The following CCNYL1 variants were observed in gnomAD, a reference collection of about 807,000 sequenced individuals.
CCNYL1 encodes cyclin Y like 1.
In CCNYL1, 16 loss-of-function variants were observed where a neutral mutation model predicts 44.2. That is an observed-to-expected ratio of 0.36 (90% CI 0.25 to 0.55). The LOEUF (loss-of-function observed/expected upper bound fraction) is 0.55. CCNYL1 is among the 20% of genes least tolerant of loss of function. CCNYL1 has a pLI of 0.85. For missense variants in CCNYL1, 348 were observed against 451.8 expected, an observed-to-expected ratio of 0.77 and a Z score of 2.08; for synonymous variants, 159 against 163.2, an observed-to-expected ratio of 0.97 and a Z score of 0.20.
chr2:207,731,869 G>A (rs2091731175), intron 3 of CCNYL1, among the ~76,000 whole-genome samples: 2 of 146,136 alleles, frequency 1.4e-5, no homozygotes, highest in Admixed American at 7.0e-5. Context: ...GAGTGCAGTG[G>A]TGCAATCTTG....
At chr2:207,748,815 G>A (rs567235090) in intron 8 of CCNYL1, among the ~76,000 whole-genome samples, 74 of 152,276 alleles carry the variant, frequency 4.9e-4, no homozygotes, top group African/African-American at 1.7e-3. Flanking sequence ...ACTGTTTACC[G>A]AACAGCCCTA....
intron 3 of CCNYL1, among the ~76,000 whole-genome samples, chr2:207,732,680 A>T (rs559942778): frequency 2.6e-5 from 4 of 151,768 alleles, no homozygotes; most frequent in African/African-American, 9.6e-5. Flanking sequence ...AATGACTGGG[A>T]TTTGGTTACT....
chr2:207,715,677 G>C (rs899076651), intron 1 of CCNYL1, among the ~76,000 whole-genome samples: 1 of 138,390 alleles, frequency 7.2e-6, no homozygotes, highest in Non-Finnish European at 1.5e-5. Flanking sequence ...ACCGCGCCTG[G>C]CCTTTTTTTT....
intron 6 of CCNYL1, among the ~76,000 whole-genome samples, chr2:207,741,544 G>A (rs1272164710): frequency 6.6e-6 from 1 of 152,096 alleles, no homozygotes; most frequent in African/African-American, 2.4e-5. Flanking sequence ...CAACACTGCT[G>A]GTCTTAGGAG....
intron 3 of CCNYL1, among the ~76,000 whole-genome samples, chr2:207,732,536 G>A (rs929556372): frequency 6.6e-6 from 1 of 152,026 alleles, no homozygotes; most frequent in African/African-American, 2.4e-5. Flanking sequence ...ATGGGAGAGT[G>A]TGACAACATG....
In CCNYL1 at chr2:207,721,365, C is replaced by T. The variant is rs116475834; in HGVS notation, c.221-3435C>T. The stretch of plus-strand genomic sequence containing the variant: ...AGAAAAATAATTTCTTTACAGTTTA[C>T]AATTGCATAATTTTAACACTTTTAG... On this transcript the variant is annotated intron_variant, in intron 1 of 9. Coordinates refer to ENST00000295414, the MANE Select transcript of CCNYL1 (RefSeq NM_001330218.2). Among the ~76,000 whole-genome samples the T allele has an allele frequency of 4.4e-3, 671 of 152,314 alleles. 5 individuals are homozygous for T. Among genetic ancestry groups the T allele is most frequent in the African/African-American group, 0.015 (623 of 41,574 alleles).
At chr2:207,753,202 T>C (rs1364109404) in intron 9 of CCNYL1, among the ~76,000 whole-genome samples, 1 of 152,094 alleles carries the variant, frequency 6.6e-6, no homozygotes, top group Non-Finnish European at 1.5e-5. Flanking sequence ...AAGGATTGGG[T>C]AGAATTTGAA....
intron 3 of CCNYL1, among the ~76,000 whole-genome samples, chr2:207,729,413 A>G (rs2091707707): frequency 6.6e-6 from 1 of 151,544 alleles, no homozygotes; most frequent in Admixed American, 6.6e-5. Flanking sequence ...TTAAGTTTTC[A>G]TTTGCTCCTG....
intron 1 of CCNYL1, among the ~76,000 whole-genome samples, chr2:207,720,415 T>C (rs2091631957): frequency 6.6e-6 from 1 of 151,274 alleles, no homozygotes; most frequent in African/African-American, 2.4e-5. Flanking sequence ...TTTTCTTTTC[T>C]CTGTATGAGA....
rs770799140 is a variant in CCNYL1, at chr2:207,737,391, AT to A, written c.432-11del. On this transcript the variant is annotated intron_variant, in intron 4 of 9. Transcript: ENST00000295414. The stretch of plus-strand genomic sequence containing the variant: ...ATGTTTAAATCAGTTGTTAAAAATA[AT>A]TTTTTTTTCCCTTCACAGTGTGACC... 2.1e-4 allele frequency: 328 copies of A among 1,569,790 alleles called. No individual in the cohort carries two copies. The highest frequency in any genetic ancestry group is 2.7e-4 in the East Asian group (12 of 44,370).
At chr2:207,751,583 G>A (rs900524162) in intron 9 of CCNYL1, among the ~76,000 whole-genome samples, 20 of 151,822 alleles carry the variant, frequency 1.3e-4, no homozygotes, top group Admixed American at 4.6e-4. Context: ...GGCCGGGCGC[G>A]GTGGCTTACG....
At position 207,751,091 on chromosome 2, in the gene CCNYL1, T is replaced by G; in HGVS notation, c.941T>G (p.Leu314Arg). 1 of 1,614,130 alleles carries G rather than the reference T, an allele frequency of 6.2e-7. No individual in the cohort carries two copies. Among genetic ancestry groups the G allele is most frequent in the South Asian group, 1.1e-5 (1 of 91,070 alleles). ...AACCTGAATTTTCTATTTGCTCCTC[T>G]TAGCAAAGAAAGAGCACAGAACCTA... is the stretch of plus-strand genomic sequence containing the variant. Reference protein sequence around the residue: ...DNNLNFLFAPLSKERAQNLEA... With the variant: ...DNNLNFLFAPRSKERAQNLEA... The change falls in exon 9 of 10, where the codon CTT becomes CGT. Residue 314 changes from leucine to arginine, a missense_variant. Physicochemically the swap from Leu to Arg is moderately radical, Grantham distance 102. Around this residue, in one of 3 missense-constraint regions of CCNYL1, gnomAD observed 94 missense variants for 102.4 expected, o/e 0.92. Coordinates refer to ENST00000295414, the MANE Select transcript of CCNYL1 (RefSeq NM_001330218.2).
intron 3 of CCNYL1, among the ~76,000 whole-genome samples, chr2:207,732,604 T>TA (rs2091736617): frequency 6.6e-6 from 1 of 152,104 alleles, no homozygotes; most frequent in African/African-American, 2.4e-5. Context: ...GTTTTTTTTT[T>TA]AAGTGTTAAA....
intron 1 of CCNYL1, among the ~76,000 whole-genome samples, chr2:207,716,966 G>A (rs1452840562): frequency 1.3e-5 from 2 of 152,076 alleles, no homozygotes; most frequent in South Asian, 2.1e-4. Flanking sequence ...AAAATTAGCC[G>A]GGCGTGGTGG....
rs969899792 is a variant in CCNYL1 at position 207,740,789 on chromosome 2, C to G, written c.519+83C>G. The G allele has an allele frequency of 1.3e-5, 10 of 782,580 alleles. No individual in the cohort carries two copies. In the Admixed American group the frequency reaches 2.2e-4, roughly 17 times the overall value. 48.5% of individuals were successfully genotyped at this position (782,580 alleles called of 1,614,324 possible). ...TGCTGATATTTATAAATAGTCCTAA[C>G]AAATATACATGATCTCTATGAAGAT... On this transcript the variant is annotated intron_variant, in intron 6 of 9. Coordinates refer to ENST00000295414, the MANE Select transcript of CCNYL1 (RefSeq NM_001330218.2).
intron 1 of CCNYL1, among the ~76,000 whole-genome samples, chr2:207,716,229 C>G (rs1222668852): frequency 6.6e-6 from 1 of 151,962 alleles, no homozygotes; most frequent in Non-Finnish European, 1.5e-5. Flanking sequence ...GTGACTCTTT[C>G]TATTCTTTTC....
intron 1 of CCNYL1, among the ~76,000 whole-genome samples, chr2:207,716,339 CTTT>C (rs34650916): frequency 2.2e-4 from 29 of 129,660 alleles, no homozygotes; most frequent in Non-Finnish European, 3.0e-4. Context: ...TAAGCCCTCT[CTTT>C]TTTTTTTTTT....
intron 1 of CCNYL1, among the ~76,000 whole-genome samples, chr2:207,712,459 T>A (rs1278338274): frequency 6.6e-6 from 1 of 152,154 alleles, no homozygotes; most frequent in Non-Finnish European, 1.5e-5. Flanking sequence ...TTTCCTTTTC[T>A]CAATGGAAAC....
intron 1 of CCNYL1, among the ~76,000 whole-genome samples, chr2:207,722,921 A>G (rs905648466): frequency 6.6e-6 from 1 of 151,878 alleles, no homozygotes; most frequent in Non-Finnish European, 1.5e-5. Flanking sequence ...ATTGCACCAC[A>G]GCACTCCAGC....
Sources: gnomAD v4.1 joint callset for allele counts (sites outside exome capture counted in the v4.1 genomes callset) on GRCh38, gnomAD v4.1.1 for gene constraint, gnomAD v4.1.1 regional missense constraint, MANE v1.5 for transcripts, NCBI Gene and HGNC (gene_info 2026-07-23, HGNC 2026-07-21) for gene names.